The following TMCO1 variants were observed in gnomAD, a reference collection of about 807,000 sequenced individuals.
The protein encoded by TMCO1 is transmembrane and coiled-coil domains 1.
In TMCO1, 29 loss-of-function variants were observed where a neutral mutation model predicts 29.3. The ratio of observed to expected loss-of-function variants is 0.99; its 90% CI spans 0.74 to 1.35. The LOEUF (loss-of-function observed/expected upper bound fraction) is 1.35, where lower values mean the gene tolerates loss of function less well. Ranked by LOEUF, TMCO1 falls within the 40% of genes most tolerant of loss-of-function variation. The pLI is 0.00. For synonymous variants in TMCO1, 80 were observed against 77.1 expected (o/e 1.04, Z -0.20); for missense variants, 173 against 225.5 (o/e 0.77, Z 1.49).
intron 1 of TMCO1, 100 bp downstream of exon 1, chr1:165,768,582 A>G: frequency 1.3e-6 from 2 of 1,597,916 alleles, no homozygotes; most frequent in Non-Finnish European, 1.7e-6. Context: ...TGAGCCTCTC[A>G]AGCAAGTAAG....
Position 165,727,240 on chromosome 1 carries a change from A to G in TMCO1, c.*783T>C, listed in dbSNP as rs1310293861. ...CCCCACAAGAATCTGAGAGACTGTA[A>G]TAGGATATGAAGAGAACAGCTGAGG... On this transcript the variant is annotated 3_prime_UTR_variant, in exon 7 of 7. Transcript: ENST00000367881. 8.8e-6 allele frequency: 4 copies of G among 453,476 alleles called. No individual in the cohort carries two copies. The highest frequency in any genetic ancestry group is 1.8e-5 in the Non-Finnish European group (4 of 226,684). 28.1% of individuals were successfully genotyped at this position (453,476 alleles called of 1,614,324 possible).
chr1:165,753,261 T>G (rs1652065170), intron 4 of TMCO1, among the ~76,000 whole-genome samples: 1 of 151,476 alleles, frequency 6.6e-6, no homozygotes, highest in Non-Finnish European at 1.5e-5. Context: ...TGGCTTGAGC[T>G]CAGGAGTTCA....
chr1:165,725,033 TATATATATATATATAA>T (rs1650810073), downstream of TMCO1: 1 of 214,446 alleles, frequency 4.7e-6, no homozygotes, highest in African/African-American at 2.7e-5. Context: ...TCTATATATA[TATATATATATATATAA>T]AATAGTGTAT....
At chr1:165,725,248 C>T (rs1270760122), downstream of TMCO1, 2 of 453,836 alleles carry the variant, frequency 4.4e-6, no homozygotes, top group East Asian at 1.4e-4. Flanking sequence ...CCTACTCCAT[C>T]CTAGTTTGTG....
chr1:165,760,305 C>G (rs1013067622), intron 2 of TMCO1, among the ~76,000 whole-genome samples: 9 of 151,986 alleles, frequency 5.9e-5, no homozygotes, highest in African/African-American at 2.2e-4. Context: ...GTGGCATATG[C>G]CTATAATTCC....
At chr1:165,768,066 A>G in intron 2 of TMCO1, 126 bp downstream of exon 2, 1 of 836,380 alleles carries the variant, frequency 1.2e-6, no homozygotes, top group South Asian at 1.4e-5. Flanking sequence ...AAAGTCTTCT[A>G]TTTCTAAATA....
At chr1:165,728,239 C>T in intron 6 of TMCO1, 118 bp from the exon 7 acceptor site, 1 of 724,798 alleles carries the variant, frequency 1.4e-6, no homozygotes, top group Non-Finnish European at 2.4e-6. Flanking sequence ...ACCATTATGA[C>T]CTGCAATAGG....
At chr1:165,762,932 C>T (rs1383634659) in intron 2 of TMCO1, among the ~76,000 whole-genome samples, 1 of 152,062 alleles carries the variant, frequency 6.6e-6, no homozygotes, top group Admixed American at 6.6e-5. Flanking sequence ...ATAATAGTAA[C>T]ACAATAAAAG....
At chr1:165,760,662 CA>C in intron 2 of TMCO1, among the ~76,000 whole-genome samples, 1 of 151,934 alleles carries the variant, frequency 6.6e-6, no homozygotes, top group Non-Finnish European at 1.5e-5. Context: ...TTTAGCTGGG[CA>C]TGTGGCGCGT....
intron 3 of TMCO1, among the ~76,000 whole-genome samples, chr1:165,756,039 A>G (rs1016488973): frequency 8.1e-6 from 1 of 124,222 alleles, no homozygotes. Flanking sequence ...TTATATGGGC[A>G]GCTTGTTTAA....
In TMCO1 at chr1:165,768,204, G is replaced by A; in HGVS notation, c.136C>T (p.Gln46Ter). ...TTGCCATACTCACATTTTTTACTCTGTTTTTCCACTTCTGCCTTCAGTCTC... is the reference window on the plus strand; with the variant it reads ...TTGCCATACTCACATTTTTTACTCTATTTTTCCACTTCTGCCTTCAGTCTC... ...YKRLKAEVEK[Q>*]SKKLEKKKET... Residue 46 changes from glutamine to a stop codon, truncating the protein, a stop_gained, in exon 2 of 7, where the codon CAG (glutamine) becomes TAG (stop). Coordinates refer to ENST00000367881, the MANE Select transcript of TMCO1 (RefSeq NM_019026.6). LOFTEE classifies it high-confidence loss of function. 1 of 1,613,780 alleles carries A rather than the reference G, an allele frequency of 6.2e-7. No individual in the cohort carries two copies. The highest frequency in any genetic ancestry group is 8.5e-7 in the Non-Finnish European group (1 of 1,179,814).
intron 6 of TMCO1, among the ~76,000 whole-genome samples, chr1:165,740,971 G>A (rs1651571782): frequency 6.6e-6 from 1 of 152,174 alleles, no homozygotes; most frequent in Non-Finnish European, 1.5e-5. Context: ...AACAGAAAAT[G>A]GGCTAGGGCA....
intron 3 of TMCO1, among the ~76,000 whole-genome samples, chr1:165,758,011 CTGTCTGCATTCTCAA>C (rs1320858160): frequency 6.6e-6 from 1 of 151,452 alleles, no homozygotes; most frequent in Non-Finnish European, 1.5e-5. Flanking sequence ...CATTTTCTCA[CTGTCTGCATTCTCAA>C]TGTCTGCATT....
chr1:165,758,737 G>A (rs1346487803), intron 3 of TMCO1, among the ~76,000 whole-genome samples: 4 of 89,992 alleles, frequency 4.4e-5, no homozygotes, highest in East Asian at 1.1e-3. Flanking sequence ...CACATACAGC[G>A]TAAATGTTCA....
intron 6 of TMCO1, among the ~76,000 whole-genome samples, chr1:165,731,559 G>T (rs575676867): frequency 1.3e-5 from 2 of 152,102 alleles, no homozygotes; most frequent in Non-Finnish European, 2.9e-5. Context: ...AAAAATGTTG[G>T]ATGCCCTTTA....
At chr1:165,725,041 TATATATAAAA>T (rs1650812424), downstream of TMCO1, 1 of 230,154 alleles carries the variant, frequency 4.3e-6, no homozygotes, top group African/African-American at 2.6e-5. Flanking sequence ...TATATATATA[TATATATAAAA>T]TAGTGTATAT....
chr1:165,765,663 C>A (rs1652542350), intron 2 of TMCO1, among the ~76,000 whole-genome samples: 1 of 152,052 alleles, frequency 6.6e-6, no homozygotes. Flanking sequence ...TAGGATTAGC[C>A]CAGCACATAT....
intron 6 of TMCO1, among the ~76,000 whole-genome samples, chr1:165,738,930 T>C (rs1452924276): frequency 3.3e-5 from 5 of 152,186 alleles, no homozygotes; most frequent in Non-Finnish European, 1.5e-5. Context: ...CTATAGTCCT[T>C]ATAGACTTTT....
At position 165,760,432 on chromosome 1, in the gene TMCO1, C is replaced by CA. The variant is rs11356353; in HGVS notation, c.149-849dup. Among the ~76,000 whole-genome samples, 1,287 of 133,576 alleles carry CA rather than the reference C, an allele frequency of 9.6e-3. 10 individuals are homozygous for CA. The highest frequency in any genetic ancestry group is 0.02 in the African/African-American group (735 of 36,508). The allele number at this position is 133,576 out of a possible 152,430, so 87.6% of individuals were successfully genotyped here. ...GGCAATAGAGCGAGACTCTGTTTCT[C>CA]AAAAAAAAAAAAAAAAATACCAATT... On this transcript the variant is annotated intron_variant, in intron 2 of 6. Coordinates refer to ENST00000367881, the MANE Select transcript of TMCO1 (RefSeq NM_019026.6).
Sources: allele counts gnomAD v4.1 joint callset (sites outside exome capture counted in the v4.1 genomes callset), GRCh38; gene constraint gnomAD v4.1.1; transcripts MANE v1.5; gene names NCBI Gene and HGNC (gene_info 2026-07-23, HGNC 2026-07-21).